The following XKR6 variants were observed in gnomAD, a reference collection of about 807,000 sequenced individuals.
XKR6 encodes XK-related protein 6.
In XKR6, 22 loss-of-function variants were observed where a neutral mutation model predicts 56.7. The ratio of observed to expected loss-of-function variants is 0.39; its 90% CI spans 0.28 to 0.55. The LOEUF (loss-of-function observed/expected upper bound fraction) is 0.55. XKR6 is among the 20% of genes least tolerant of loss of function. The pLI is 0.66. For synonymous variants in XKR6, 524 were observed against 387.8 expected (o/e 1.35, Z -4.13); for missense variants, 852 against 889.0 (o/e 0.96, Z 0.53).
intron 1 of XKR6, among the ~76,000 whole-genome samples, chr8:11,022,242 T>C (rs1030282386): frequency 6.6e-6 from 1 of 151,746 alleles, no homozygotes; most frequent in African/African-American, 2.4e-5. Flanking sequence ...CAGAGAAAGA[T>C]GCTGCAGAGT....
At chr8:11,041,430 C>T (rs927285571) in intron 1 of XKR6, among the ~76,000 whole-genome samples, 1 of 152,018 alleles carries the variant, frequency 6.6e-6, no homozygotes, top group African/African-American at 2.4e-5. Context: ...GTGGTGCGTG[C>T]TTGTAATTCC....
chr8:11,068,975 C>A (rs1177805810), intron 1 of XKR6, among the ~76,000 whole-genome samples: 2 of 152,238 alleles, frequency 1.3e-5, no homozygotes, highest in African/African-American at 4.8e-5. Flanking sequence ...TGGGGCACTT[C>A]TCCCACTGCT....
At chr8:11,154,310 C>T (rs1431380048) in intron 1 of XKR6, among the ~76,000 whole-genome samples, 3 of 152,204 alleles carry the variant, frequency 2.0e-5, no homozygotes, top group Admixed American at 2.0e-4. Flanking sequence ...AAACTCTAGA[C>T]ACCAAAAATC....
intron 1 of XKR6, among the ~76,000 whole-genome samples, chr8:10,952,800 C>G: frequency 6.6e-6 from 1 of 152,050 alleles, no homozygotes; most frequent in East Asian, 1.9e-4. Context: ...TCCCAACCCC[C>G]GGGCCATGGA....
At chr8:11,093,895 T>A (rs188407383) in intron 1 of XKR6, among the ~76,000 whole-genome samples, 1 of 151,996 alleles carries the variant, frequency 6.6e-6, no homozygotes, top group Admixed American at 6.5e-5. Flanking sequence ...GCCATTCTCC[T>A]GCCTCAGCCT....
At position 10,988,090 on chromosome 8, in the gene XKR6, T is replaced by G. The variant is rs552061597; in HGVS notation, c.765-63260A>C. ...TGGGCTGTTCCCGGGCCATCCCCTC[T>G]AAAGTTTCACCCTCCCCTTCAACCA... On this transcript the variant is annotated intron_variant, in intron 1 of 2. Coordinates refer to ENST00000416569, the MANE Select transcript of XKR6 (RefSeq NM_173683.4). 2.0e-5 allele frequency among the ~76,000 whole-genome samples: 3 copies of G among 152,330 alleles called. No homozygotes were observed. The South Asian group carries it at 6.2e-4, about 32-fold the overall frequency.
At chr8:11,118,408 G>T (rs2129182502) in intron 1 of XKR6, among the ~76,000 whole-genome samples, 1 of 152,274 alleles carries the variant, frequency 6.6e-6, no homozygotes, top group South Asian at 2.1e-4. Flanking sequence ...TGTACCTCTG[G>T]TAGAATTCAT....
intron 1 of XKR6, among the ~76,000 whole-genome samples, chr8:11,012,899 G>A (rs562046179): frequency 8.5e-5 from 13 of 152,260 alleles, no homozygotes; most frequent in African/African-American, 3.1e-4. Flanking sequence ...CCAATGCCTT[G>A]CTGACATCCC....
chr8:11,008,496 C>A (rs1798425349), intron 1 of XKR6, among the ~76,000 whole-genome samples: 1 of 148,604 alleles, frequency 6.7e-6, no homozygotes, highest in Non-Finnish European at 1.5e-5. Flanking sequence ...TCTTTGCTCA[C>A]TGCAACCTGC....
At chr8:10,930,633 G>A (rs1435014885) in intron 1 of XKR6, among the ~76,000 whole-genome samples, 1 of 152,170 alleles carries the variant, frequency 6.6e-6, no homozygotes, top group Admixed American at 6.5e-5. Context: ...GGAATGAAAG[G>A]CTGGTCCAAT....
intron 1 of XKR6, among the ~76,000 whole-genome samples, chr8:11,085,519 C>T (rs960813454): frequency 2.6e-5 from 4 of 152,072 alleles, no homozygotes; most frequent in African/African-American, 4.8e-5. Context: ...CTGCATTAAT[C>T]CTCATACCAA....
intron 1 of XKR6, among the ~76,000 whole-genome samples, chr8:11,040,016 A>G (rs1253643550): frequency 6.6e-6 from 1 of 152,022 alleles, no homozygotes. Flanking sequence ...TCACTTTCCT[A>G]TCCCCATCCC....
chr8:10,957,372 C>G (rs543526112), intron 1 of XKR6, among the ~76,000 whole-genome samples: 2 of 152,172 alleles, frequency 1.3e-5, no homozygotes, highest in African/African-American at 4.8e-5. Flanking sequence ...CTACTCCAGG[C>G]GTGTCACCAT....
intron 1 of XKR6, among the ~76,000 whole-genome samples, chr8:10,969,992 G>A (rs1802354958): frequency 1.3e-5 from 2 of 152,232 alleles, no homozygotes; most frequent in African/African-American, 4.8e-5. Flanking sequence ...CACAGACCCT[G>A]CCAAGTTCAC....
intron 1 of XKR6, among the ~76,000 whole-genome samples, chr8:11,161,923 T>C (rs1319550259): frequency 1.3e-5 from 2 of 152,130 alleles, no homozygotes; most frequent in Non-Finnish European, 2.9e-5. Flanking sequence ...ACCCAGGTTG[T>C]AGTGAATACA....
intron 2 of XKR6, among the ~76,000 whole-genome samples, chr8:10,915,166 C>G (rs989457917): frequency 3.9e-5 from 6 of 152,262 alleles, no homozygotes; most frequent in African/African-American, 9.6e-5. Flanking sequence ...TATTGCCCAT[C>G]TCTCTACACA....
intron 1 of XKR6, among the ~76,000 whole-genome samples, chr8:11,119,937 C>T (rs1385118217): frequency 1.3e-5 from 2 of 152,168 alleles, no homozygotes; most frequent in Non-Finnish European, 2.9e-5. Flanking sequence ...ACAAAAACCA[C>T]ATGATTATCT....
intron 1 of XKR6, among the ~76,000 whole-genome samples, chr8:11,086,826 G>T (rs945902205): frequency 6.6e-6 from 1 of 152,178 alleles, no homozygotes; most frequent in Non-Finnish European, 1.5e-5. Flanking sequence ...GCAGTGGCAC[G>T]GCTGCTGCCA....
At position 11,167,814 on chromosome 8, in the gene XKR6, A is replaced by G. The variant is rs1294943266; in HGVS notation, c.764+32762T>C. Among the ~76,000 whole-genome samples, 4 of 151,798 alleles carry G rather than the reference A, an allele frequency of 2.6e-5. No individual in the cohort carries two copies. The East Asian group carries it at 7.7e-4, about 29-fold the overall frequency. ...GTTTTAGCTCCTGGCATTCAAGGAA[A>G]TCTCTGTCAAAACACTACCAGGCTA... On this transcript the variant is annotated intron_variant, in intron 1 of 2. Coordinates refer to ENST00000416569, the MANE Select transcript of XKR6 (RefSeq NM_173683.4).
Sources: allele counts gnomAD v4.1 joint callset (sites outside exome capture counted in the v4.1 genomes callset), GRCh38; gene constraint gnomAD v4.1.1; transcripts MANE v1.5; gene names NCBI Gene and HGNC (gene_info 2026-07-23, HGNC 2026-07-21).